The following ARMCX2 variants were observed in gnomAD, a reference collection of about 807,000 sequenced individuals.
ARMCX2 encodes armadillo repeat-containing X-linked protein 2.
Under a neutral mutation model 17.0 loss-of-function variants are expected in ARMCX2, and 2 were observed. The observed-to-expected ratio is 0.12, with a 90% CI of 0.05 to 0.37. The LOEUF (loss-of-function observed/expected upper bound fraction) is 0.37, where lower values mean the gene tolerates loss of function less well. Among genes scored for constraint, ARMCX2 ranks in the 10% least tolerant of loss-of-function variants. ARMCX2 has a pLI of 1.00. For synonymous variants in ARMCX2, 182 were observed against 195.2 expected, an observed-to-expected ratio of 0.93 and a Z score of 0.57; for missense variants, 408 against 497.7, an observed-to-expected ratio of 0.82 and a Z score of 1.72.
rs1236877965 is a variant in ARMCX2, at chrX:101,656,471, C to A, written c.1118G>T (p.Arg373Leu). ...CTCATCAATTTCATAAGGAAAGGGG[C>A]GCTTCTGCATGGCAACGGGTCTTCT... Reference protein sequence around the residue: ...RGRRPVAMQKRPFPYEIDEIL... With the variant: ...RGRRPVAMQKLPFPYEIDEIL... Residue 373 changes from arginine to leucine, a missense_variant, in exon 6 of 6, where the codon CGC (arginine) becomes CTC (leucine). Coordinates refer to ENST00000356824, the MANE Select transcript of ARMCX2 (RefSeq NM_177949.4). The A allele has an allele frequency of 8.3e-7, 1 of 1,208,247 alleles. No homozygotes were observed. Among genetic ancestry groups the A allele is most frequent in the Admixed American group, 2.2e-5 (1 of 45,614 alleles).
chrX:101,658,809 C>A (rs782461324), intron 3 of ARMCX2, among the ~76,000 whole-genome samples: 1 of 110,871 alleles, frequency 9.0e-6, no homozygotes, highest in Non-Finnish European at 1.9e-5. Flanking sequence ...TGCAACGAAG[C>A]GGGAGGGGAG....
Position 101,655,965 on chromosome X carries a change from A to C in ARMCX2, c.1624T>G (p.Leu542Val), listed in dbSNP as rs1556049777. ...ACTTGGGTACTGAGAAGTTTCTTCA[A>C]CATATCTGGATTTTCAGCAAAATTC... ...LSNFAENPDM[L>V]KKLLSTQVPA... The change falls in exon 6 of 6, where the codon TTG becomes GTG. Residue 542 changes from leucine to valine, a missense_variant. Transcript: ENST00000356824. 3 of 1,211,858 alleles carry C rather than the reference A, an allele frequency of 2.5e-6. No homozygotes were observed. The highest frequency in any genetic ancestry group is 3.5e-5 in the South Asian group (2 of 56,978).
In ARMCX2 at chrX:101,657,362, C is replaced by T. The variant is rs1346156286; in HGVS notation, c.227G>A (p.Arg76His). Residue 76 changes from arginine (R) to histidine (H), a missense_variant, in exon 6 of 6, where the codon CGT becomes CAT. Arg to His is a conservative substitution (Grantham distance 29, BLOSUM62 0). Coordinates refer to ENST00000356824, the MANE Select transcript of ARMCX2 (RefSeq NM_177949.4). Reference protein sequence around the residue: ...GSGFSPPTPVRAEAEDRAQDE... With the variant: ...GSGFSPPTPVHAEAEDRAQDE... The stretch of plus-strand genomic sequence containing the variant: ...CTGGGCCCTGTCCTCTGCTTCAGCA[C>T]GGACTGGGGTTGGGGGACTGAATCC... 1.1e-5 allele frequency: 13 copies of T among 1,210,643 alleles called. No homozygotes were observed. The African/African-American group carries it at 1.4e-4, about 13-fold the overall frequency.
intron 5 of ARMCX2, 85 bp from the exon 6 acceptor site, chrX:101,657,800 A>G: frequency 5.3e-6 from 2 of 374,286 alleles, no homozygotes; most frequent in Non-Finnish European, 9.4e-6. Flanking sequence ...GTTTAGGGAC[A>G]CAATGCTTCG....
In ARMCX2 at chrX:101,659,832, G is replaced by C. The variant is rs1936557666; in HGVS notation, c.-493C>G. 1 of 111,385 alleles carries C rather than the reference G, an allele frequency of 9.0e-6. No homozygotes were observed. Among genetic ancestry groups the C allele is most frequent in the Non-Finnish European group, 1.9e-5 (1 of 53,031 alleles). 9.2% of individuals were successfully genotyped at this position (111,385 alleles called of 1,213,427 possible). ...ACGCACGGCAGCGAGCTGCGCAATA[G>C]AGTTGGTACCCAGAGGAGGACGGAG... On this transcript the variant is annotated 5_prime_UTR_variant, in exon 1 of 6. Transcript: ENST00000356824.
intron 3 of ARMCX2, 197 bp from the exon 4 acceptor site, chrX:101,658,722 G>A (rs1399823351): frequency 9.1e-6 from 1 of 109,465 alleles, no homozygotes; most frequent in Non-Finnish European, 1.9e-5. Flanking sequence ...AGGCTCCCCA[G>A]GCACTCAATC....
chrX:101,656,582 G>A lies in ARMCX2; in HGVS notation c.1007C>T (p.Pro336Leu). ...NGGQAFLAEV[P>L]DSEEGESGWT... is the part of the protein sequence containing the mutation. ...CCCGGACTCCCCTTCCTCAGAATCA[G>A]GGACCTCTGCCAGGAAAGCCTGTCC... is the stretch of plus-strand genomic sequence containing the variant. Residue 336 changes from proline (P) to leucine (L), a missense_variant, in exon 6 of 6, where the codon CCT becomes CTT. Physicochemically the swap from Pro to Leu is moderately conservative, Grantham distance 98. Transcript: ENST00000356824. 2.5e-6 allele frequency: 3 copies of A among 1,210,925 alleles called. No homozygotes were observed. The highest frequency in any genetic ancestry group is 3.4e-6 in the Non-Finnish European group (3 of 895,345).
Position 101,657,457 on chromosome X carries a change from C to G in ARMCX2, c.132G>C (p.Arg44=), listed in dbSNP as rs1556070801. Reference sequence around the variant, plus strand: ...CCCTGGCTCCAGTCCCAGCCACAGCCCGGTTTTTGGGCTTGGCCATTCTCT... The same window carrying G: ...CCCTGGCTCCAGTCCCAGCCACAGCGCGGTTTTTGGGCTTGGCCATTCTCT... The part of the protein sequence containing the change: ...TKKRMAKPKN[R]AVAGTGARAR... Residue 44 remains arginine (R), a synonymous_variant, in exon 6 of 6, where the codon CGG becomes CGC. Coordinates refer to ENST00000356824, the MANE Select transcript of ARMCX2 (RefSeq NM_177949.4). The G allele has an allele frequency of 8.3e-7, 1 of 1,210,801 alleles. No homozygotes were observed. Among genetic ancestry groups the G allele is most frequent in the African/African-American group, 1.7e-5 (1 of 57,374 alleles).
rs369060938 is a variant in ARMCX2 at position 101,657,276 on chromosome X, C to G, written c.313G>C (p.Ala105Pro). 5 of 1,208,455 alleles carry G rather than the reference C, an allele frequency of 4.1e-6. No homozygotes were observed. The African/African-American group carries it at 7.0e-5, about 17-fold the overall frequency. Residue 105 changes from alanine to proline, a missense_variant, in exon 6 of 6, where the codon GCT becomes CCT. This residue lies in a region of ARMCX2 where 307 missense variants were observed against 326.8 expected (regional missense o/e 0.94). Coordinates refer to ENST00000356824, the MANE Select transcript of ARMCX2 (RefSeq NM_177949.4). ...CTGCCTGCCCCACTCTGAGCCTCAG[C>G]GCTGGATGCAGCTGGGGCCACTGCC... ...AEAVAPAASS[A>P]EAQSGAGSQA...
chrX:101,659,344 A>T (rs1413331067), intron 2 of ARMCX2, 75 bp downstream of exon 2: 1 of 109,242 alleles, frequency 9.2e-6, no homozygotes, highest in Non-Finnish European at 1.9e-5. Context: ...GGGGAAAGTC[A>T]GGGTGGGAGT....
At position 101,656,667 on chromosome X, in the gene ARMCX2, C is replaced by T; in HGVS notation, c.922G>A (p.Gly308Arg). The change falls in exon 6 of 6, where the codon GGG becomes AGG. Residue 308 changes from glycine to arginine, a missense_variant. Gly to Arg is a moderately radical substitution (Grantham distance 125, BLOSUM62 -2). Transcript: ENST00000356824. ...CCATCTCCAGGACGGAAGCCCATCC[C>T]CAGTTCGTCTACTTCAACTTTGCTT... ...KKSKVEVDEL[G>R]MGFRPGDGAA... is the part of the protein sequence containing the mutation. The T allele has an allele frequency of 8.3e-7, 1 of 1,211,031 alleles. No homozygotes were observed. The highest frequency in any genetic ancestry group is 1.1e-6 in the Non-Finnish European group (1 of 895,350).
rs369761184 is a variant in ARMCX2 at position 101,657,028 on chromosome X, C to A, written c.561G>T (p.Ala187=). 1 of 1,210,243 alleles carries A rather than the reference C, an allele frequency of 8.3e-7. No individual in the cohort carries two copies. The highest frequency in any genetic ancestry group is 1.1e-6 in the Non-Finnish European group (1 of 894,418). Residue 187 remains alanine, a synonymous_variant, in exon 6 of 6, where the codon GCG becomes GCT. Coordinates refer to ENST00000356824, the MANE Select transcript of ARMCX2 (RefSeq NM_177949.4). The stretch of plus-strand genomic sequence containing the variant: ...CCTCGGTCACCTCAGTGGGTGCTGC[C>A]GCTTCGGTAGGCACCACTGTCCCAG... The part of the protein sequence containing the change: ...VPPGTVVPTE[A]AAPTEVTEGP...
chrX:101,657,576 G>T lies in ARMCX2; in HGVS notation c.13C>A (p.Arg5=). Residue 5 remains arginine (R), a synonymous_variant, in exon 6 of 6, where the codon CGG becomes AGG. Coordinates refer to ENST00000356824, the MANE Select transcript of ARMCX2 (RefSeq NM_177949.4). MSRV[R]DAGCVAAGIV... The stretch of plus-strand genomic sequence containing the variant: ...CCCGCCGCTACACAGCCAGCATCCC[G>T]AACGCGGCTCATGGTGCAGCTGGGG... 8.3e-7 allele frequency: 1 copy of T among 1,207,536 alleles called. No individual in the cohort carries two copies. Among genetic ancestry groups the T allele is most frequent in the Non-Finnish European group, 1.1e-6 (1 of 892,812 alleles).
chrX:101,657,868 C>G, intron 5 of ARMCX2, 153 bp from the exon 6 acceptor site: 1 of 310,198 alleles, frequency 3.2e-6, no homozygotes, highest in Non-Finnish European at 5.7e-6. Flanking sequence ...ATTCACAGAC[C>G]TAGTTTAACG....
In ARMCX2 at chrX:101,657,714, G is replaced by T; in HGVS notation, c.-126C>A. 3.0e-6 allele frequency: 2 copies of T among 668,630 alleles called. No individual in the cohort carries two copies. 55.1% of individuals were successfully genotyped at this position (668,630 alleles called of 1,213,427 possible). A position where few individuals can be genotyped will look rare whatever the true frequency, so the allele number is the denominator to read the frequency against. ...CAAGTTCTGCTGAGGCTTAGGCAGG[G>T]CCTAGGGGTAAAGGATAAAAATGAG... On this transcript the variant is annotated splice_region_variant and 5_prime_UTR_variant, in exon 6 of 6. Coordinates refer to ENST00000356824, the MANE Select transcript of ARMCX2 (RefSeq NM_177949.4).
chrX:101,659,266 A>T (rs2147417100), intron 2 of ARMCX2, 118 bp from the exon 3 acceptor site: 1 of 103,820 alleles, frequency 9.6e-6, no homozygotes, highest in East Asian at 3.6e-4. Flanking sequence ...CAGCTGGTAC[A>T]CCCATTTCCC....
chrX:101,659,353 G>A (rs1314050362), intron 2 of ARMCX2, 66 bp downstream of exon 2: 4 of 109,444 alleles, frequency 3.7e-5, no homozygotes, highest in African/African-American at 1.3e-4. Context: ...CAGGGTGGGA[G>A]TGTGCCGCCC....
At chrX:101,657,810 G>A (rs782458480) in intron 5 of ARMCX2, 95 bp from the exon 6 acceptor site, 10 of 367,112 alleles carry the variant, frequency 2.7e-5, no homozygotes, top group African/African-American at 2.3e-4. Flanking sequence ...ACAATGCTTC[G>A]TTGGCGGGCT....
At position 101,656,810 on chromosome X, in the gene ARMCX2, G is replaced by T; in HGVS notation, c.779C>A (p.Thr260Asn). Residue 260 changes from threonine (T) to asparagine (N), a missense_variant, in exon 6 of 6, where the codon ACC becomes AAC. Coordinates refer to ENST00000356824, the MANE Select transcript of ARMCX2 (RefSeq NM_177949.4). ...VPGTSAAKKA[T>N]PGAHTGAIPK... ...TATAGCCCCAGTGTGAGCCCCAGGGGTTGCTTTCTTGGCAGCTGATGTTCC... is the reference window on the plus strand; with the variant it reads ...TATAGCCCCAGTGTGAGCCCCAGGGTTTGCTTTCTTGGCAGCTGATGTTCC... 8.3e-7 allele frequency: 1 copy of T among 1,211,711 alleles called. No homozygotes were observed. The highest frequency in any genetic ancestry group is 1.7e-5 in the African/African-American group (1 of 57,736).
Sources: gnomAD v4.1 joint callset for allele counts (sites outside exome capture counted in the v4.1 genomes callset) on GRCh38, gnomAD v4.1.1 for gene constraint, gnomAD v4.1.1 regional missense constraint, MANE v1.5 for transcripts, NCBI Gene and HGNC (gene_info 2026-07-23, HGNC 2026-07-21) for gene names.